KIF17: variants seen among roughly 807,000 people sequenced by gnomAD.
KIF17 encodes the protein kinesin-like protein KIF17.
A neutral mutation model predicts 96.8 loss-of-function variants in KIF17; 80 were observed. The observed-to-expected ratio is 0.83, with a 90% CI of 0.69 to 1.00. The LOEUF is 1.00. KIF17 is among the 50% of genes least tolerant of loss of function. The pLI is 0.00. For missense variants in KIF17, 1,280 were observed against 1,372.9 expected (o/e 0.93, Z 1.07); for synonymous variants, 567 against 587.5 (o/e 0.97, Z 0.51).
At chr1:20,666,135 CCTGT>C in intron 14 of KIF17, 75 bp downstream of exon 14, 13 of 1,096,586 alleles carry the variant, frequency 1.2e-5, no homozygotes, top group Non-Finnish European at 1.8e-5. Context: ...TGAACCCAGG[CCTGT>C]CTGACTTCAA....
chr1:20,686,661 T>A (rs2053944544), intron 8 of KIF17, among the ~76,000 whole-genome samples: 2 of 152,074 alleles, frequency 1.3e-5, no homozygotes, highest in Admixed American at 1.3e-4. Context: ...GTTCAAGTGA[T>A]CCTCCTGCCT....
chr1:20,683,883 A>G (rs2053878778), intron 10 of KIF17, among the ~76,000 whole-genome samples: 1 of 151,452 alleles, frequency 6.6e-6, no homozygotes, highest in South Asian at 2.1e-4. Context: ...CCCTGCAGCA[A>G]ACCTTTTTCA....
chr1:20,665,417 T>TTTTTTTA (rs2053509886), intron 14 of KIF17, among the ~76,000 whole-genome samples: 1 of 144,770 alleles, frequency 6.9e-6, no homozygotes, highest in African/African-American at 2.6e-5. Context: ...TTTTTTTTTT[T>TTTTTTTA]GAGACAGGGT....
Position 20,713,563 on chromosome 1 carries a change from G to A in KIF17, c.379-8C>T, listed in dbSNP as rs778312474. 1.1e-5 allele frequency: 18 copies of A among 1,603,464 alleles called. No individual in the cohort carries two copies. In the South Asian group the frequency reaches 1.8e-4, roughly 16 times the overall value. ...CTTAGTGTTCTCTGCACACTGCAGGGAGTACACAGAAAGAACCTAGACCTC... is the reference window on the plus strand; with the variant it reads ...CTTAGTGTTCTCTGCACACTGCAGGAAGTACACAGAAAGAACCTAGACCTC... On this transcript the variant is annotated splice_region_variant and splice_polypyrimidine_tract_variant and intron_variant, in intron 2 of 14. Transcript: ENST00000400463.
chr1:20,709,664 G>A lies in KIF17; in HGVS notation c.645C>T (p.Thr215=). Reference sequence around the variant, plus strand: ...CCACGGCAGACATCTCGATGCTGATGGTGAAGATGGAGTGCGAGCGTGAGG... The same window carrying A: ...CCACGGCAGACATCTCGATGCTGATAGTGAAGATGGAGTGCGAGCGTGAGG... The part of the protein sequence containing the change: ...KDSSRSHSIF[T]ISIEMSAVDE... The change falls in exon 4 of 15, where the codon ACC becomes ACT. Residue 215 remains threonine, a synonymous_variant. Transcript: ENST00000400463. The surrounding 1 kb of genome is among the most constrained non-coding windows in gnomAD (Gnocchi z 4.7). 6.2e-7 allele frequency: 1 copy of A among 1,614,108 alleles called. No individual in the cohort carries two copies. The highest frequency in any genetic ancestry group is 8.5e-7 in the Non-Finnish European group (1 of 1,180,040).
intron 11 of KIF17, among the ~76,000 whole-genome samples, chr1:20,681,620 A>G (rs2053832182): frequency 6.6e-6 from 1 of 152,192 alleles, no homozygotes; most frequent in Non-Finnish European, 1.5e-5. Context: ...CGGACAGCAC[A>G]GAGAAAGCTC....
At position 20,692,931 on chromosome 1, in the gene KIF17, G is replaced by A. The variant is rs572112732; in HGVS notation, c.1234-2596C>T. Among the ~76,000 whole-genome samples, 227 of 151,726 alleles carry A rather than the reference G, an allele frequency of 1.5e-3. 1 individual carries two copies. Among genetic ancestry groups the A allele is most frequent in the Non-Finnish European group, 2.4e-3 (163 of 67,886 alleles). Reference sequence around the variant, plus strand: ...TGGGACTACAGGCGCATGCCACCACGCCTGGCTAATTTTTGTATTTTTAGT... The same window carrying A: ...TGGGACTACAGGCGCATGCCACCACACCTGGCTAATTTTTGTATTTTTAGT... On this transcript the variant is annotated intron_variant, in intron 6 of 14. Transcript: ENST00000400463.
intron 12 of KIF17, 65 bp downstream of exon 12, chr1:20,671,873 C>CCCA: frequency 6.3e-7 from 1 of 1,580,964 alleles, no homozygotes; most frequent in South Asian, 1.1e-5. Flanking sequence ...ACACTCCCTG[C>CCCA]CAGTCTGCAG....
At chr1:20,686,472 T>TAC (rs1325202997) in intron 8 of KIF17, 2 of 395,180 alleles carry the variant, frequency 5.1e-6, no homozygotes, top group Non-Finnish European at 9.1e-6. Context: ...TCTCTCTAAA[T>TAC]ACACACACAC....
In KIF17 at chr1:20,672,531, C is replaced by T. The variant is rs1401657728; in HGVS notation, c.2464-335G>A. Among the ~76,000 whole-genome samples the T allele has an allele frequency of 6.6e-6, 1 of 152,174 alleles. No homozygotes were observed. The highest frequency in any genetic ancestry group is 1.5e-5 in the Non-Finnish European group (1 of 68,032). On this transcript the variant is annotated intron_variant, in intron 11 of 14. Transcript: ENST00000400463. This position sits in a 1 kb window ranked among gnomAD's most constrained non-coding sequence, Gnocchi z 4.3. ...ACAGCCAGCCCCTCAGTCACTATCT[C>T]CCATTGTACATTTTATTCAGGAGCC...
intron 11 of KIF17, among the ~76,000 whole-genome samples, chr1:20,674,003 A>G (rs1176569939): frequency 6.6e-6 from 1 of 151,970 alleles, no homozygotes; most frequent in Non-Finnish European, 1.5e-5. Flanking sequence ...TTCTCAGCTC[A>G]CTGTGGCCTC....
Position 20,687,936 on chromosome 1 carries a change from G to A in KIF17, c.1390C>T (p.Leu464=), listed in dbSNP as rs1475574613. The A allele has an allele frequency of 6.2e-7, 1 of 1,613,676 alleles. No individual in the cohort carries two copies. The highest frequency in any genetic ancestry group is 8.5e-7 in the Non-Finnish European group (1 of 1,180,002). Residue 464 remains leucine, a synonymous_variant, in exon 8 of 15, where the codon CTG becomes TTG. Transcript: ENST00000400463. This position sits in a 1 kb window ranked among gnomAD's most constrained non-coding sequence, Gnocchi z 4.4. The stretch of plus-strand genomic sequence containing the variant: ...GCCTTGTAGAGGACTCCCACCTGCA[G>A]GACAGCCTCTGCAAAATGGAGAACT... ...ENLRKETEAV[L]QVGVLYKAEV...
Position 20,672,303 on chromosome 1 carries a change from T to C in KIF17, c.2464-107A>G, listed in dbSNP as rs905835242. Reference sequence around the variant, plus strand: ...CCAGCAGCCACGCATCGTCTGTTCATTGGCCTGATCAGCCATCCATTCTCA... The same window carrying C: ...CCAGCAGCCACGCATCGTCTGTTCACTGGCCTGATCAGCCATCCATTCTCA... On this transcript the variant is annotated intron_variant, in intron 11 of 14. Coordinates refer to ENST00000400463, the MANE Select transcript of KIF17 (RefSeq NM_001122819.3). This position sits in a 1 kb window ranked among gnomAD's most constrained non-coding sequence, Gnocchi z 4.3. 3 of 1,426,008 alleles carry C rather than the reference T, an allele frequency of 2.1e-6. No homozygotes were observed. Among genetic ancestry groups the C allele is most frequent in the East Asian group, 2.4e-5 (1 of 41,076 alleles). The allele number at this position is 1,426,008 out of a possible 1,614,324, so 88.3% of individuals were successfully genotyped here.
chr1:20,707,833 GTGTA>G (rs1457432577), intron 4 of KIF17, among the ~76,000 whole-genome samples: 35 of 114,768 alleles, frequency 3.0e-4, no homozygotes, highest in Middle Eastern at 4.4e-3. Context: ...GTGTGTGTGT[GTGTA>G]TAAAAAATAT....
intron 6 of KIF17, among the ~76,000 whole-genome samples, chr1:20,697,548 A>T (rs12726703): frequency 6.6e-6 from 1 of 151,984 alleles, no homozygotes; most frequent in African/African-American, 2.4e-5. Flanking sequence ...TTGAAGGTGC[A>T]GTGAGTTGAG....
At chr1:20,707,103 AG>A (rs1456292114) in intron 4 of KIF17, among the ~76,000 whole-genome samples, 1 of 152,138 alleles carries the variant, frequency 6.6e-6, no homozygotes, top group Non-Finnish European at 1.5e-5. Flanking sequence ...CTCTCAAAAA[AG>A]GACAGGAAGG....
At chr1:20,665,409 T>TTTTA (rs1216567561) in intron 14 of KIF17, among the ~76,000 whole-genome samples, 1 of 141,582 alleles carries the variant, frequency 7.1e-6, no homozygotes, top group Non-Finnish European at 1.5e-5. Flanking sequence ...TTTTTTTTTT[T>TTTTA]TTTTTTTTGA....
rs1039901259 is a variant in KIF17 at position 20,704,242 on chromosome 1, C to T, written c.1123+205G>A. Among the ~76,000 whole-genome samples the T allele has an allele frequency of 1.3e-5, 2 of 152,086 alleles. No homozygotes were observed. The highest frequency in any genetic ancestry group is 4.8e-5 in the African/African-American group (2 of 41,394). ...CCTGCGTCAGATGGGACAGGCCAGACGGACTGCCCTCCTCCCAGGACACTG... is the reference window on the plus strand; with the variant it reads ...CCTGCGTCAGATGGGACAGGCCAGATGGACTGCCCTCCTCCCAGGACACTG... On this transcript the variant is annotated intron_variant, in intron 5 of 14. Coordinates refer to ENST00000400463, the MANE Select transcript of KIF17 (RefSeq NM_001122819.3). This position sits in a 1 kb window ranked among gnomAD's most constrained non-coding sequence, Gnocchi z 6.8.
Position 20,698,502 on chromosome 1 carries a change from A to G in KIF17, c.1124-14T>C. The G allele has an allele frequency of 6.4e-7, 1 of 1,569,616 alleles. No homozygotes were observed. Among genetic ancestry groups the G allele is most frequent in the Non-Finnish European group, 8.8e-7 (1 of 1,142,078 alleles). On this transcript the variant is annotated splice_polypyrimidine_tract_variant and intron_variant, in intron 5 of 14. Transcript: ENST00000400463. ...TGGACAGCAGGGCTGGGGGAGAAACAGAAATTAGCAGCCAGGATGAGGGGC... is the reference window on the plus strand; with the variant it reads ...TGGACAGCAGGGCTGGGGGAGAAACGGAAATTAGCAGCCAGGATGAGGGGC...
Sources: allele counts gnomAD v4.1 joint callset (sites outside exome capture counted in the v4.1 genomes callset), GRCh38; gene constraint gnomAD v4.1.1; non-coding constraint Gnocchi (gnomAD v3.1); transcripts MANE v1.5; gene names NCBI Gene and HGNC (gene_info 2026-07-23, HGNC 2026-07-21).